TOPAZ1: variants seen among roughly 807,000 people sequenced by gnomAD.
TOPAZ1 encodes testis and ovary specific TOPAZ 1.
Under a neutral mutation model 172.2 loss-of-function variants are expected in TOPAZ1, and 66 were observed. The observed-to-expected ratio is 0.38, with a 90% CI of 0.31 to 0.47. The LOEUF is 0.47. Ranked by LOEUF, TOPAZ1 falls within the 20% of genes least tolerant of loss-of-function variation. TOPAZ1 has a pLI of 0.99. For missense variants in TOPAZ1, 1,822 were observed against 1,972.4 expected (o/e 0.92, Z 1.44); for synonymous variants, 681 against 683.9 (o/e 1.00, Z 0.07).
chr3:44,335,134 C>G (rs58112621), downstream of TOPAZ1, among the ~76,000 whole-genome samples: 895 of 152,078 alleles, frequency 5.9e-3, 12 homozygotes, highest in African/African-American at 0.02. Context: ...AGGGTACAAT[C>G]ATCATAACGA....
chr3:44,312,222 T>C (rs1393179136), intron 16 of TOPAZ1, among the ~76,000 whole-genome samples: 1 of 148,312 alleles, frequency 6.7e-6, no homozygotes, highest in Non-Finnish European at 1.5e-5. Context: ...TCAAGACCTA[T>C]TGCAAAGCCA....
chr3:44,269,469 A>ATTTTTTTTTTT (rs1559531943), intron 7 of TOPAZ1, among the ~76,000 whole-genome samples, 168 bp downstream of exon 7: 5 of 32,878 alleles, frequency 1.5e-4, no homozygotes, highest in African/African-American at 5.3e-4. Context: ...TTTCCCTATC[A>ATTTTTTTTTTT]TCTTTTTTTT....
intron 2 of TOPAZ1, among the ~76,000 whole-genome samples, chr3:44,247,627 T>G (rs1699580990): frequency 6.6e-6 from 1 of 152,204 alleles, no homozygotes; most frequent in African/African-American, 2.4e-5. Flanking sequence ...CCACCAGTCC[T>G]ATTTACTTTC....
At chr3:44,310,121 A>G in intron 16 of TOPAZ1, 131 bp downstream of exon 16, 1 of 753,336 alleles carries the variant, frequency 1.3e-6, no homozygotes. Context: ...ACATGTGGGT[A>G]GGAAAGGTTG....
At chr3:44,242,775 A>G (rs961055952) in intron 1 of TOPAZ1, 78 bp from the exon 2 acceptor site, 1 of 1,185,200 alleles carries the variant, frequency 8.4e-7, no homozygotes. Context: ...ATAGCCTCAC[A>G]ATTTTTAATT....
chr3:44,253,861 G>A (rs931835539), intron 2 of TOPAZ1, among the ~76,000 whole-genome samples: 2 of 152,156 alleles, frequency 1.3e-5, no homozygotes, highest in Admixed American at 6.5e-5. Flanking sequence ...AGGAGCAGTC[G>A]CAGTGCTGAA....
At chr3:44,296,348 A>C (rs1163988392) in intron 12 of TOPAZ1, among the ~76,000 whole-genome samples, 2 of 152,156 alleles carry the variant, frequency 1.3e-5, no homozygotes, top group African/African-American at 4.8e-5. Context: ...AGCTGAAAAC[A>C]AAAAGTAAAT....
In TOPAZ1 at chr3:44,241,966, G is replaced by A; in HGVS notation, c.-88G>A. ...GTGTGGGGTGGGTCAGAGGGCAGTA[G>A]GTACCTCCAGGCGGGAGCAGCGTTT... On this transcript the variant is annotated 5_prime_UTR_variant, in exon 1 of 20. Coordinates refer to ENST00000309765, the MANE Select transcript of TOPAZ1 (RefSeq NM_001145030.2). The A allele has an allele frequency of 7.8e-7, 1 of 1,275,550 alleles. No individual in the cohort carries two copies. Among genetic ancestry groups the A allele is most frequent in the Non-Finnish European group, 1.1e-6 (1 of 928,398 alleles). The allele number at this position is 1,275,550 out of a possible 1,614,324, so 79.0% of individuals were successfully genotyped here.
Position 44,242,181 on chromosome 3 carries a change from G to T in TOPAZ1, c.128G>T (p.Cys43Phe), listed in dbSNP as rs1459664054. 6.5e-7 allele frequency: 1 copy of T among 1,542,108 alleles called. No individual in the cohort carries two copies. The change falls in exon 1 of 20, where the codon TGC becomes TTC. Residue 43 changes from cysteine to phenylalanine, a missense_variant. Transcript: ENST00000309765. ...AGGCGPEAGG[C>F]RENKQKRRMV... ...GGCTGTGGCCCTGAGGCCGGGGGGT[G>T]CCGGGAAAATAAGCAAAAGAGGAGA... is the stretch of plus-strand genomic sequence containing the variant.
Position 44,244,936 on chromosome 3 carries a change from T to C in TOPAZ1, c.2430T>C (p.Cys810=). Residue 810 remains cysteine, a synonymous_variant, in exon 2 of 20, where the codon TGT becomes TGC. Coordinates refer to ENST00000309765, the MANE Select transcript of TOPAZ1 (RefSeq NM_001145030.2). ...CAGTTGAAAATAATGCTTTTTCTTG[T>C]GATCCTGGGTATGTAGAGAAAAGTC... ...SLTVENNAFS[C]DPGYVEKSPS... 2 of 1,551,764 alleles carry C rather than the reference T, an allele frequency of 1.3e-6. No individual in the cohort carries two copies. Among genetic ancestry groups the C allele is most frequent in the Non-Finnish European group, 1.7e-6 (2 of 1,147,010 alleles).
chr3:44,296,938 G>A lies in TOPAZ1; in HGVS notation c.3797+6052G>A, dbSNP rs557484252. On this transcript the variant is annotated intron_variant, in intron 12 of 19. Transcript: ENST00000309765. ...TGTAATCTCAGCACTTTGAGAGGCCGAGGTGGGTGGATCACCTGAGGTCAG... is the reference window on the plus strand; with the variant it reads ...TGTAATCTCAGCACTTTGAGAGGCCAAGGTGGGTGGATCACCTGAGGTCAG... Among the ~76,000 whole-genome samples the A allele has an allele frequency of 1.8e-3, 265 of 150,812 alleles. 1 individual carries two copies. The highest frequency in any genetic ancestry group is 2.8e-3 in the Non-Finnish European group (188 of 67,812).
chr3:44,321,960 A>G (rs1700541220), intron 17 of TOPAZ1, among the ~76,000 whole-genome samples: 1 of 152,182 alleles, frequency 6.6e-6, no homozygotes, highest in South Asian at 2.1e-4. Flanking sequence ...TTGGACAGAT[A>G]GTTGTGCCAG....
chr3:44,289,648 T>G (rs1423297464), intron 11 of TOPAZ1, among the ~76,000 whole-genome samples: 1 of 152,182 alleles, frequency 6.6e-6, no homozygotes, highest in Non-Finnish European at 1.5e-5. Flanking sequence ...ACTATTGTCC[T>G]TCACTAAAAG....
intron 12 of TOPAZ1, among the ~76,000 whole-genome samples, chr3:44,292,613 T>A (rs1050330060): frequency 6.6e-6 from 1 of 152,188 alleles, no homozygotes; most frequent in South Asian, 2.1e-4. Flanking sequence ...CAGATCCTGT[T>A]AGTATATAGG....
chr3:44,308,487 A>G (rs1031043389), intron 15 of TOPAZ1, among the ~76,000 whole-genome samples: 9 of 152,040 alleles, frequency 5.9e-5, no homozygotes, highest in African/African-American at 2.2e-4. Context: ...ATAGTATTCC[A>G]TGGTGTATAT....
chr3:44,245,532 T>C (rs1180094534), intron 2 of TOPAZ1, among the ~76,000 whole-genome samples: 1 of 5,796 alleles, frequency 1.7e-4, no homozygotes, highest in African/African-American at 6.2e-4. Flanking sequence ...TAGAGTGGCT[T>C]TTTTTTTTTT....
At chr3:44,329,203 A>G (rs560646643) in intron 19 of TOPAZ1, among the ~76,000 whole-genome samples, 2 of 152,350 alleles carry the variant, frequency 1.3e-5, no homozygotes, top group South Asian at 4.1e-4. Context: ...ATAGTATCTT[A>G]ATATCTGTGG....
At chr3:44,255,474 A>C (rs888881968) in intron 3 of TOPAZ1, among the ~76,000 whole-genome samples, 12 of 151,810 alleles carry the variant, frequency 7.9e-5, no homozygotes, top group Non-Finnish European at 1.6e-4. Context: ...AACATGGTGA[A>C]ACCCCATCTC....
intron 16 of TOPAZ1, among the ~76,000 whole-genome samples, chr3:44,316,651 T>G (rs1390890295): frequency 1.3e-5 from 2 of 152,190 alleles, no homozygotes; most frequent in Non-Finnish European, 2.9e-5. Context: ...TTTAAATATT[T>G]AATAATTTTT....
Sources: gnomAD v4.1 joint callset for allele counts (sites outside exome capture counted in the v4.1 genomes callset) on GRCh38, gnomAD v4.1.1 for gene constraint, MANE v1.5 for transcripts, NCBI Gene and HGNC (gene_info 2026-07-23, HGNC 2026-07-21) for gene names.